The following UBAP2 variants were observed in gnomAD, a reference collection of about 807,000 sequenced individuals.
UBAP2 encodes ubiquitin associated protein 2.
UBAP2 carries 75 observed loss-of-function variants against 139.6 expected under a neutral mutation model. The observed-to-expected ratio is 0.54, with a 90% CI of 0.45 to 0.65. The LOEUF (loss-of-function observed/expected upper bound fraction) is 0.65, where lower values mean the gene tolerates loss of function less well. UBAP2 is among the 30% of genes least tolerant of loss of function. The probability of loss-of-function intolerance (pLI) is 0.00; values close to 1 mark genes in which losing one functional copy is unlikely to be tolerated. For missense variants in UBAP2, 1,368 were observed against 1,369.6 expected (o/e 1.00, Z 0.02); for synonymous variants, 526 against 526.2 (o/e 1.00, Z 0.01).
In UBAP2 at chr9:33,960,963, C is replaced by A. The variant is rs775540827; in HGVS notation, c.746-85G>T. 17 of 1,375,898 alleles carry A rather than the reference C, an allele frequency of 1.2e-5. No individual in the cohort carries two copies. The Admixed American group carries it at 2.8e-4, about 22-fold the overall frequency. The allele number at this position is 1,375,898 out of a possible 1,614,324, so 85.2% of individuals were successfully genotyped here. A position where few individuals can be genotyped will look rare whatever the true frequency, so the allele number is the denominator to read the frequency against. ...AAATGATTCCTTTTTGTGTACTATG[C>A]GGGGAAAAAAGATACATACGCCTCA... On this transcript the variant is annotated intron_variant, in intron 9 of 28. Transcript: ENST00000379238.
intron 22 of UBAP2, 35 bp downstream of exon 22, chr9:33,926,582 A>G: frequency 6.2e-7 from 1 of 1,613,456 alleles, no homozygotes; most frequent in Non-Finnish European, 8.5e-7. Context: ...AAAGATTCTG[A>G]ACCCTCTGCT....
At chr9:33,936,328 G>A (rs575387852) in intron 16 of UBAP2, among the ~76,000 whole-genome samples, 15 of 152,024 alleles carry the variant, frequency 9.9e-5, no homozygotes, top group Admixed American at 3.9e-4. Flanking sequence ...GGTGTCTTGC[G>A]CTGTCACCCA....
chr9:33,955,834 G>GA (rs34598165), intron 11 of UBAP2, among the ~76,000 whole-genome samples: 4,549 of 75,004 alleles, frequency 0.061, 101 homozygotes, highest in Non-Finnish European at 0.089. Context: ...TCTCAAAATA[G>GA]AAAAAAAAAA....
chr9:33,941,788 G>A lies in UBAP2; in HGVS notation c.1790C>T (p.Ser597Phe), dbSNP rs140922028. Residue 597 changes from serine (S) to phenylalanine (F), a missense_variant, in exon 16 of 29, where the codon TCC (serine) becomes TTC (phenylalanine). Ser to Phe is a radical substitution (Grantham distance 155, BLOSUM62 -2). Transcript: ENST00000379238. The stretch of plus-strand genomic sequence containing the variant: ...CAGTGATGAGCTTGTCAGACTGCAG[G>A]AGGTAATGACGGAAGTTGTATATGT... ...NSTYTTSVIT[S>F]CSLTSSSLNS... The A allele has an allele frequency of 5.0e-4, 805 of 1,613,996 alleles. 4 individuals carry two copies. The highest frequency in any genetic ancestry group is 1.2e-3 in the Middle Eastern group (7 of 6,084).
intron 1 of UBAP2, among the ~76,000 whole-genome samples, chr9:34,044,674 T>C (rs1242376297): frequency 6.6e-6 from 1 of 151,862 alleles, no homozygotes; most frequent in Non-Finnish European, 1.5e-5. Context: ...AAGACCAATA[T>C]GGCCAACATG....
intron 16 of UBAP2, among the ~76,000 whole-genome samples, chr9:33,937,877 G>A (rs1824725628): frequency 1.3e-5 from 2 of 151,978 alleles, no homozygotes; most frequent in Admixed American, 6.6e-5. Flanking sequence ...AGCCGGGACC[G>A]TGGCACTCCA....
intron 1 of UBAP2, among the ~76,000 whole-genome samples, chr9:34,028,104 T>C (rs1339301298): frequency 6.6e-6 from 1 of 151,810 alleles, no homozygotes; most frequent in Non-Finnish European, 1.5e-5. Context: ...TAGCAGCTGA[T>C]GGACAAGGTT....
At position 33,923,787 on chromosome 9, in the gene UBAP2, A is replaced by G; in HGVS notation, c.2796+8T>C. On this transcript the variant is annotated splice_region_variant and intron_variant, in intron 24 of 28. Transcript: ENST00000379238. ...AGGAGACACAGTCACACCCTCTGAA[A>G]TACTCACAAACATGGTGGGGCCATA... is the stretch of plus-strand genomic sequence containing the variant. The G allele has an allele frequency of 1.2e-6, 2 of 1,613,906 alleles. No individual in the cohort carries two copies. Among genetic ancestry groups the G allele is most frequent in the Non-Finnish European group, 1.7e-6 (2 of 1,179,808 alleles).
chr9:33,967,224 G>A (rs531852324), intron 8 of UBAP2, among the ~76,000 whole-genome samples: 1 of 152,236 alleles, frequency 6.6e-6, no homozygotes, highest in Non-Finnish European at 1.5e-5. Context: ...TCTTGTGCTT[G>A]TGAAACTCTC....
At chr9:34,025,628 T>G (rs935489330) in intron 1 of UBAP2, among the ~76,000 whole-genome samples, 4 of 152,178 alleles carry the variant, frequency 2.6e-5, no homozygotes. Flanking sequence ...CTAAATGTAA[T>G]GAGGAAAGAA....
chr9:33,941,158 T>G (rs938058933), intron 16 of UBAP2, among the ~76,000 whole-genome samples: 5 of 152,166 alleles, frequency 3.3e-5, no homozygotes, highest in Admixed American at 2.6e-4. Flanking sequence ...AGATATGCAG[T>G]TAGCAAGAAT....
At chr9:33,948,336 C>A in intron 13 of UBAP2, 38 bp downstream of exon 13, 1 of 1,528,994 alleles carries the variant, frequency 6.5e-7, no homozygotes, top group South Asian at 1.3e-5. Flanking sequence ...CTTGAAACGT[C>A]CTCAGTAGGG....
intron 1 of UBAP2, among the ~76,000 whole-genome samples, chr9:34,029,305 T>C (rs1440724247): frequency 6.6e-6 from 1 of 151,728 alleles, no homozygotes; most frequent in Non-Finnish European, 1.5e-5. Context: ...GGAGGGTGGA[T>C]CACCAGAAGG....
At chr9:33,960,786 A>T in intron 10 of UBAP2, 40 bp downstream of exon 10, 1 of 1,589,688 alleles carries the variant, frequency 6.3e-7, no homozygotes, top group South Asian at 1.2e-5. Flanking sequence ...ATTTCAAAAA[A>T]AAAAAAAAAG....
intron 6 of UBAP2, among the ~76,000 whole-genome samples, chr9:33,980,817 T>G (rs1392100621): frequency 6.6e-6 from 1 of 151,096 alleles, no homozygotes; most frequent in Non-Finnish European, 1.5e-5. Context: ...CATAGTAGCG[T>G]GCACCTGTAG....
At chr9:33,999,879 TATGTATGTATG>T (rs2131196453) in intron 2 of UBAP2, among the ~76,000 whole-genome samples, 1 of 73,908 alleles carries the variant, frequency 1.4e-5, no homozygotes, top group East Asian at 6.5e-4. Flanking sequence ...TGTATGTATG[TATGTATGTATG>T]TATGTATGTA....
At chr9:34,039,272 T>TGG (rs1041990633) in intron 1 of UBAP2, among the ~76,000 whole-genome samples, 2 of 133,654 alleles carry the variant, frequency 1.5e-5, no homozygotes, top group African/African-American at 2.9e-5. Context: ...GTCCGAGAGG[T>TGG]GGGGGGGGCG....
chr9:33,976,984 C>G (rs1182840484), intron 6 of UBAP2, among the ~76,000 whole-genome samples: 1 of 149,838 alleles, frequency 6.7e-6, no homozygotes, highest in Non-Finnish European at 1.5e-5. Flanking sequence ...TGCACTCCAG[C>G]CTGGGTGACA....
intron 9 of UBAP2, 150 bp from the exon 10 acceptor site, chr9:33,961,028 T>A: frequency 1.4e-6 from 1 of 699,296 alleles, no homozygotes; most frequent in Non-Finnish European, 2.5e-6. Flanking sequence ...ATGACGTTCT[T>A]AATCTATTCT....
Sources: allele counts gnomAD v4.1 joint callset (sites outside exome capture counted in the v4.1 genomes callset), GRCh38; gene constraint gnomAD v4.1.1; transcripts MANE v1.5; gene names NCBI Gene and HGNC (gene_info 2026-07-23, HGNC 2026-07-21).